The following CHIT1 variants were observed in gnomAD, a reference collection of about 807,000 sequenced individuals.
CHIT1 encodes chitotriosidase-1.
In CHIT1, 47 loss-of-function variants were observed where a neutral mutation model predicts 52.0. That is an observed-to-expected ratio of 0.90 (90% confidence interval 0.71 to 1.15). CHIT1 has a LOEUF of 1.15. CHIT1 is among the 50% of genes most tolerant of loss of function. CHIT1 has a pLI of 0.00. For synonymous variants in CHIT1, 242 were observed against 228.2 expected, an observed-to-expected ratio of 1.06 and a Z score of -0.54; for missense variants, 569 against 583.0, an observed-to-expected ratio of 0.98 and a Z score of 0.25.
At chr1:203,219,174 G>T (rs771317937) in intron 9 of CHIT1, 42 bp downstream of exon 9, 1 of 1,026,668 alleles carries the variant, frequency 9.7e-7, no homozygotes, top group Non-Finnish European at 1.6e-6. Context: ...GACAGGACTT[G>T]TTCACTAGGA....
At chr1:203,218,377 G>T (rs1044740236) in intron 9 of CHIT1, among the ~76,000 whole-genome samples, 1 of 152,150 alleles carries the variant, frequency 6.6e-6, no homozygotes, top group Non-Finnish European at 1.5e-5. Context: ...ATGACTGTGT[G>T]TTCCCTCAGA....
chr1:203,227,330 G>A (rs1370515837), intron 2 of CHIT1, among the ~76,000 whole-genome samples: 1 of 152,168 alleles, frequency 6.6e-6, no homozygotes, highest in African/African-American at 2.4e-5. Context: ...GGAAAAGAAA[G>A]GAAGGAGGGG....
At chr1:203,226,926 C>G (rs1336404962) in intron 2 of CHIT1, among the ~76,000 whole-genome samples, 1 of 152,198 alleles carries the variant, frequency 6.6e-6, no homozygotes, top group African/African-American at 2.4e-5. Context: ...TCCAGTCTCT[C>G]AATCTATGAT....
chr1:203,227,126 A>G (rs991092506), intron 2 of CHIT1, among the ~76,000 whole-genome samples: 6 of 152,172 alleles, frequency 3.9e-5, no homozygotes, highest in African/African-American at 1.4e-4. Context: ...CAAAGTGTCT[A>G]TAGGAGAGTT....
At chr1:203,217,221 G>A in intron 10 of CHIT1, 88 bp from the exon 11 acceptor site, 5 of 1,595,340 alleles carry the variant, frequency 3.1e-6, no homozygotes, top group Non-Finnish European at 4.2e-6. Flanking sequence ...CCATTGGCTG[G>A]CAGCAGCCCA....
intron 10 of CHIT1, 126 bp from the exon 11 acceptor site, chr1:203,217,259 A>T: frequency 6.3e-7 from 1 of 1,577,218 alleles, no homozygotes; most frequent in Non-Finnish European, 8.6e-7. Context: ...GGCTGAGTAC[A>T]GCCAGATACC....
intron 9 of CHIT1, chr1:203,218,126 G>A: frequency 6.9e-7 from 1 of 1,446,552 alleles, no homozygotes; most frequent in Admixed American, 2.1e-5. Context: ...GAGGAATAGT[G>A]TCAGTTGTGT....
Position 203,217,727 on chromosome 1 carries a change from C to A in CHIT1, c.1156+12G>T, listed in dbSNP as rs928768086. 25 of 1,613,338 alleles carry A rather than the reference C, an allele frequency of 1.5e-5. No homozygotes were observed. The highest frequency in any genetic ancestry group is 2.1e-5 in the Non-Finnish European group (25 of 1,179,812). ...TCCAAATTCCACCACTGGCCCTGGGCCCCTTACTTACTCAGTTCCTGCCGT... is the reference window on the plus strand; with the variant it reads ...TCCAAATTCCACCACTGGCCCTGGGACCCTTACTTACTCAGTTCCTGCCGT... On this transcript the variant is annotated intron_variant, in intron 10 of 10. Coordinates refer to ENST00000367229, the MANE Select transcript of CHIT1 (RefSeq NM_003465.3).
At chr1:203,228,381 A>G in intron 2 of CHIT1, 152 bp downstream of exon 2, 1 of 817,388 alleles carries the variant, frequency 1.2e-6, no homozygotes, top group Non-Finnish European at 2.0e-6. Flanking sequence ...GAGGGCTGGT[A>G]GCAGATGGGG....
rs1656641539 is a variant in CHIT1, at chr1:203,219,197, C to A, written c.1029+19G>T. On this transcript the variant is annotated intron_variant, in intron 9 of 10. Coordinates refer to ENST00000367229, the MANE Select transcript of CHIT1 (RefSeq NM_003465.3). Reference sequence around the variant, plus strand: ...TTGTTCACTAGGACCACCCCTCTGCCAGCAGAGCTGGGCCTCACCTTGGTT... The same window carrying A: ...TTGTTCACTAGGACCACCCCTCTGCAAGCAGAGCTGGGCCTCACCTTGGTT... 1.5e-6 allele frequency: 2 copies of A among 1,350,630 alleles called. No homozygotes were observed. Among genetic ancestry groups the A allele is most frequent in the South Asian group, 2.3e-5 (2 of 85,920 alleles). The allele number at this position is 1,350,630 out of a possible 1,614,324, so 83.7% of individuals were successfully genotyped here.
Position 203,219,310 on chromosome 1 carries a change from G to T in CHIT1, c.935C>A (p.Ala312Asp). Residue 312 changes from alanine to aspartate, a missense_variant, in exon 9 of 11, where the codon GCC (alanine) becomes GAC (aspartate). By Grantham distance (126) the Ala-to-Asp change is moderately radical. Coordinates refer to ENST00000367229, the MANE Select transcript of CHIT1 (RefSeq NM_003465.3). ...CTGATCCTGGATTCTCTGTTTGGTG[G>T]CCCCCTTCCAGGAGCAGACCTGTGG... ...AYYEVCSWKG[A>D]TKQRIQDQKV... 2 of 1,609,564 alleles carry T rather than the reference G, an allele frequency of 1.2e-6. No homozygotes were observed. The highest frequency in any genetic ancestry group is 1.7e-6 in the Non-Finnish European group (2 of 1,175,826).
upstream of CHIT1, chr1:203,229,766 G>GT: frequency 9.9e-7 from 1 of 1,014,072 alleles, no homozygotes; most frequent in African/African-American, 1.6e-5. Context: ...GGGGGGATGG[G>GT]AGCAGGGTGG....
Position 203,217,836 on chromosome 1 carries a change from G to GCCCAGTCCCTAGACCATGGCCCCC in CHIT1, c.1058_1059insGGGGGCCATGGTCTAGGGACTGGG (p.Val357_Trp358insTer), listed in dbSNP as rs754057913. 6.2e-7 allele frequency: 1 copy of GCCCAGTCCCTAGACCATGGCCCCC among 1,613,872 alleles called. No homozygotes were observed. Among genetic ancestry groups the GCCCAGTCCCTAGACCATGGCCCCC allele is most frequent in the Non-Finnish European group, 8.5e-7 (1 of 1,179,914 alleles). On this transcript the variant is annotated stop_gained and inframe_insertion, in exon 10 of 11. Coordinates refer to ENST00000367229, the MANE Select transcript of CHIT1 (RefSeq NM_003465.3). LOFTEE classifies it high-confidence loss of function. ...AGTCCAGTGCCCAGACCATGGCCCC[G>GCCCAGTCCCTAGACCATGGCCCCC]CCCAGTCCCTTCTGCTTCAGATAGC...
In CHIT1 at chr1:203,216,371, T is replaced by C. The variant is rs1294269221; in HGVS notation, c.*518A>G. 2.2e-6 allele frequency: 1 copy of C among 454,150 alleles called. No individual in the cohort carries two copies. Among genetic ancestry groups the C allele is most frequent in the African/African-American group, 2.0e-5 (1 of 50,116 alleles). The allele number at this position is 454,150 out of a possible 1,614,324, so 28.1% of individuals were successfully genotyped here. A position where few individuals can be genotyped will look rare whatever the true frequency, so the allele number is the denominator to read the frequency against. ...GAGCGCTTAAATCAGGGAAAAGTTCTTCTCTGCTGCCATCTAGTGGCATTT... is the reference window on the plus strand; with the variant it reads ...GAGCGCTTAAATCAGGGAAAAGTTCCTCTCTGCTGCCATCTAGTGGCATTT... On this transcript the variant is annotated 3_prime_UTR_variant, in exon 11 of 11. Transcript: ENST00000367229.
intron 10 of CHIT1, chr1:203,217,444 C>G: frequency 7.1e-7 from 1 of 1,401,810 alleles, no homozygotes; most frequent in Non-Finnish European, 9.7e-7. Flanking sequence ...AGGCTTTCTC[C>G]CAGGTAAGAG....
rs781485079 is a variant in CHIT1, at chr1:203,216,791, A to T, written c.*98T>A. 6.6e-7 allele frequency: 1 copy of T among 1,523,454 alleles called. No individual in the cohort carries two copies. Among genetic ancestry groups the T allele is most frequent in the Non-Finnish European group, 9.1e-7 (1 of 1,101,332 alleles). 94.4% of individuals were successfully genotyped at this position (1,523,454 alleles called of 1,614,324 possible). ...AAAGGAAGACCACAGAAAGGCCTGC[A>T]GGAGCCAGATTGCGGCCCCCAGGGA... On this transcript the variant is annotated 3_prime_UTR_variant, in exon 11 of 11. Coordinates refer to ENST00000367229, the MANE Select transcript of CHIT1 (RefSeq NM_003465.3).
intron 10 of CHIT1, 37 bp from the exon 11 acceptor site, chr1:203,217,170 G>A (rs374526478): frequency 4.1e-4 from 653 of 1,599,276 alleles, no homozygotes; most frequent in Non-Finnish European, 5.0e-4. Context: ...AGGCTCCCCC[G>A]AAGAGATCCC....
At position 203,225,808 on chromosome 1, in the gene CHIT1, G is replaced by A. The variant is rs768872163; in HGVS notation, c.118C>T (p.Arg40Cys). 19 of 1,614,066 alleles carry A rather than the reference G, an allele frequency of 1.2e-5. No homozygotes were observed. Among genetic ancestry groups the A allele is most frequent in the Middle Eastern group, 3.3e-4 (2 of 6,084 alleles). The change falls in exon 3 of 11, where the codon CGC becomes TGC. Residue 40 changes from arginine to cysteine, a missense_variant. Coordinates refer to ENST00000367229, the MANE Select transcript of CHIT1 (RefSeq NM_003465.3). Reference sequence around the variant, plus strand: ...GGGTCCAAGTCCTTGGGCAGGAAGCGAGCCTCCCCCTGTCTGTACTGGGCC... The same window carrying A: ...GGGTCCAAGTCCTTGGGCAGGAAGCAAGCCTCCCCCTGTCTGTACTGGGCC... ...NWAQYRQGEA[R>C]FLPKDLDPSL...
intron 2 of CHIT1, among the ~76,000 whole-genome samples, chr1:203,227,475 A>G (rs1472565233): frequency 6.6e-6 from 1 of 152,244 alleles, no homozygotes; most frequent in African/African-American, 2.4e-5. Flanking sequence ...GCAGTGGTTA[A>G]CAGCAGGGAC....
Sources: allele counts gnomAD v4.1 joint callset (sites outside exome capture counted in the v4.1 genomes callset), GRCh38; gene constraint gnomAD v4.1.1; transcripts MANE v1.5; gene names NCBI Gene and HGNC (gene_info 2026-07-23, HGNC 2026-07-21).